Variants in SLC7A2 observed in about 807,000 individuals in gnomAD.
The protein encoded by SLC7A2 is cationic amino acid transporter 2.
Under a neutral mutation model 58.9 loss-of-function variants are expected in SLC7A2, and 48 were observed. The ratio of observed to expected loss-of-function variants is 0.82; its 90% CI spans 0.65 to 1.04. SLC7A2 has a LOEUF of 1.04. Ranked by LOEUF, SLC7A2 falls within the 50% of genes least tolerant of loss-of-function variation. The pLI, the probability that SLC7A2 is intolerant of heterozygous loss-of-function variation, is 0.00. For missense variants in SLC7A2, 1,029 were observed against 818.8 expected, an observed-to-expected ratio of 1.26 and a Z score of -3.13; for synonymous variants, 363 against 314.5, an observed-to-expected ratio of 1.15 and a Z score of -1.63.
At chr8:17,560,222 C>T in intron 9 of SLC7A2, 106 bp from the exon 10 acceptor site, 1 of 771,310 alleles carries the variant, frequency 1.3e-6, no homozygotes, top group South Asian at 1.6e-5. Flanking sequence ...ATTTACTCTA[C>T]ACACTATCAC....
At chr8:17,523,243 A>G (rs7015532) in intron 2 of SLC7A2, among the ~76,000 whole-genome samples, 5,228 of 152,168 alleles carry the variant, frequency 0.034, 265 homozygotes, top group African/African-American at 0.11. Flanking sequence ...AAATACCACC[A>G]TCATTCTTCA....
At position 17,522,467 on chromosome 8, in the gene SLC7A2, G is replaced by C. The variant is rs111627682; in HGVS notation, c.-23+20165G>C. ...GACTGAACCTGCATCCGGGGCTTGAGTAGATTGTGCGCTTGTTTGTACCAC... is the reference window on the plus strand; with the variant it reads ...GACTGAACCTGCATCCGGGGCTTGACTAGATTGTGCGCTTGTTTGTACCAC... On this transcript the variant is annotated intron_variant, in intron 2 of 12. Coordinates refer to ENST00000494857, the MANE Select transcript of SLC7A2 (RefSeq NM_001370338.1). Among the ~76,000 whole-genome samples, 1,509 of 152,304 alleles carry C rather than the reference G, an allele frequency of 9.9e-3. 24 individuals carry two copies. Among genetic ancestry groups the C allele is most frequent in the African/African-American group, 0.035 (1,439 of 41,550 alleles).
chr8:17,515,397 G>A (rs1800766892), intron 2 of SLC7A2, among the ~76,000 whole-genome samples: 1 of 151,706 alleles, frequency 6.6e-6, no homozygotes, highest in Non-Finnish European at 1.5e-5. Context: ...CCAGGTTCAA[G>A]CGATTCTCCT....
chr8:17,547,398 A>T (rs900763697), intron 4 of SLC7A2, among the ~76,000 whole-genome samples: 1 of 152,150 alleles, frequency 6.6e-6, no homozygotes, highest in Non-Finnish European at 1.5e-5. Flanking sequence ...CCCATGATAC[A>T]TGGGGATTAT....
At chr8:17,519,254 A>G (rs903598533) in intron 2 of SLC7A2, among the ~76,000 whole-genome samples, 8 of 152,210 alleles carry the variant, frequency 5.3e-5, no homozygotes, top group African/African-American at 1.4e-4. Flanking sequence ...AGTTAGGTTT[A>G]TATATGTAAT....
chr8:17,534,063 C>T (rs886841018), intron 2 of SLC7A2, among the ~76,000 whole-genome samples: 1 of 152,184 alleles, frequency 6.6e-6, no homozygotes, highest in African/African-American at 2.4e-5. Context: ...TGGCTTCCAG[C>T]TTCATCCATG....
chr8:17,541,264 G>A (rs1252794919), intron 2 of SLC7A2, among the ~76,000 whole-genome samples: 1 of 152,104 alleles, frequency 6.6e-6, no homozygotes, highest in African/African-American at 2.4e-5. Context: ...TTTTTAAGCA[G>A]AACACTTATC....
At chr8:17,519,935 C>G (rs377507857) in intron 2 of SLC7A2, among the ~76,000 whole-genome samples, 10 of 152,284 alleles carry the variant, frequency 6.6e-5, no homozygotes, top group African/African-American at 2.4e-4. Context: ...TTTTTGTTGT[C>G]TACCAGTAGA....
chr8:17,520,974 T>G (rs1368974575), intron 2 of SLC7A2, among the ~76,000 whole-genome samples: 2 of 152,186 alleles, frequency 1.3e-5, no homozygotes, highest in African/African-American at 4.8e-5. Context: ...TGACCTTATA[T>G]AAGCCTGTTT....
intron 11 of SLC7A2, among the ~76,000 whole-genome samples, chr8:17,562,473 G>A (rs1376633706): frequency 6.6e-6 from 1 of 151,992 alleles, no homozygotes; most frequent in Non-Finnish European, 1.5e-5. Flanking sequence ...CAAAAGTGCT[G>A]GGATTATATG....
chr8:17,516,281 A>G (rs1416447556), intron 2 of SLC7A2, among the ~76,000 whole-genome samples: 1 of 151,956 alleles, frequency 6.6e-6, no homozygotes, highest in Non-Finnish European at 1.5e-5. Context: ...GCTGGAGTGC[A>G]GTGGCAAGAT....
chr8:17,542,417 A>G (rs779948453), intron 2 of SLC7A2, among the ~76,000 whole-genome samples: 7 of 152,162 alleles, frequency 4.6e-5, no homozygotes, highest in Non-Finnish European at 1.0e-4. Context: ...TTGGGAGGCC[A>G]AGGAGGTAGG....
intron 2 of SLC7A2, chr8:17,510,755 A>G (rs919164553): frequency 1.3e-5 from 2 of 152,240 alleles, no homozygotes; most frequent in African/African-American, 4.8e-5. Context: ...CATGGGGTAT[A>G]TACCCAAAGG....
At chr8:17,513,823 G>C (rs1284553678) in intron 2 of SLC7A2, among the ~76,000 whole-genome samples, 1 of 151,668 alleles carries the variant, frequency 6.6e-6, no homozygotes, top group Non-Finnish European at 1.5e-5. Flanking sequence ...GGAAAGTTTC[G>C]TTCATTCTCA....
At chr8:17,561,895 T>C in intron 10 of SLC7A2, 49 bp from the exon 11 acceptor site, 1 of 1,585,164 alleles carries the variant, frequency 6.3e-7, no homozygotes, top group Non-Finnish European at 8.6e-7. Flanking sequence ...CCAAGCAATC[T>C]GGGTGGAGCA....
chr8:17,520,939 A>G (rs759120538), intron 2 of SLC7A2, among the ~76,000 whole-genome samples: 4 of 152,186 alleles, frequency 2.6e-5, no homozygotes, highest in Non-Finnish European at 5.9e-5. Flanking sequence ...TTTTTAACCT[A>G]CAGCTAAGAT....
chr8:17,561,885 C>G (rs1803006858), intron 10 of SLC7A2, 59 bp from the exon 11 acceptor site: 1 of 1,544,070 alleles, frequency 6.5e-7, no homozygotes, highest in South Asian at 1.1e-5. Context: ...CTGTTTTGCA[C>G]CAAGCAATCT....
At chr8:17,557,700 C>T (rs947304223) in intron 8 of SLC7A2, among the ~76,000 whole-genome samples, 9 of 151,972 alleles carry the variant, frequency 5.9e-5, no homozygotes, top group South Asian at 4.2e-4. Context: ...TGGTGGCGCA[C>T]GCCTGTAGTC....
At chr8:17,525,829 C>A (rs1801201130) in intron 2 of SLC7A2, among the ~76,000 whole-genome samples, 1 of 152,106 alleles carries the variant, frequency 6.6e-6, no homozygotes, top group South Asian at 2.1e-4. Flanking sequence ...CAAACTTGGT[C>A]TTTGGTGATG....
Sources: gnomAD v4.1 joint callset for allele counts (sites outside exome capture counted in the v4.1 genomes callset) on GRCh38, gnomAD v4.1.1 for gene constraint, MANE v1.5 for transcripts, NCBI Gene and HGNC (gene_info 2026-07-23, HGNC 2026-07-21) for gene names.